The following FAF1 variants were observed in gnomAD, a reference collection of about 807,000 sequenced individuals.
FAF1 encodes Fas associated factor 1.
FAF1 carries 25 observed loss-of-function variants against 92.5 expected under a neutral mutation model. That is an observed-to-expected ratio of 0.27 (90% CI 0.20 to 0.38). FAF1 has a LOEUF of 0.38. Ranked by LOEUF, FAF1 falls within the 10% of genes least tolerant of loss-of-function variation. FAF1 has a pLI of 1.00. For missense variants in FAF1, 636 were observed against 793.3 expected (o/e 0.80, Z 2.38); for synonymous variants, 234 against 273.2 (o/e 0.86, Z 1.42).
chr1:50,635,028 T>C (rs1427641105), intron 8 of FAF1, among the ~76,000 whole-genome samples: 1 of 152,206 alleles, frequency 6.6e-6, no homozygotes, highest in Non-Finnish European at 1.5e-5. Context: ...AAATACACTT[T>C]GTAAACTACA....
chr1:50,710,556 A>C (rs1055904372), intron 6 of FAF1, among the ~76,000 whole-genome samples: 3 of 152,202 alleles, frequency 2.0e-5, no homozygotes, highest in Middle Eastern at 3.2e-3. Context: ...AATTCTTAGA[A>C]GAGGAAGATA....
chr1:50,578,386 G>A (rs930262759), intron 12 of FAF1, among the ~76,000 whole-genome samples: 1 of 152,092 alleles, frequency 6.6e-6, no homozygotes, highest in Non-Finnish European at 1.5e-5. Flanking sequence ...TCTGAAAAAC[G>A]ATTCATTCAA....
intron 6 of FAF1, among the ~76,000 whole-genome samples, chr1:50,715,777 C>T (rs974383789): frequency 6.6e-6 from 1 of 152,018 alleles, no homozygotes; most frequent in Admixed American, 6.6e-5. Context: ...TTTAAGTCAC[C>T]GGCTTAGTTT....
rs1386362453 is a variant in FAF1 at position 50,788,008 on chromosome 1, C to T, written c.359G>A (p.Cys120Tyr). 2 of 1,612,454 alleles carry T rather than the reference C, an allele frequency of 1.2e-6. No homozygotes were observed. The highest frequency in any genetic ancestry group is 8.5e-7 in the Non-Finnish European group (1 of 1,178,580). ...RNVDVVLEDT[C>Y]TVGEIKQILE... Reference sequence around the variant, plus strand: ...GGCAGGAAAAACCTTACCAACAGTACAGGTGTCTTCAAGTACCACATCAAC... The same window carrying T: ...GGCAGGAAAAACCTTACCAACAGTATAGGTGTCTTCAAGTACCACATCAAC... Residue 120 changes from cysteine (C) to tyrosine (Y), a missense_variant, in exon 4 of 19, where the codon TGT becomes TAT. Cys to Tyr is a radical substitution (Grantham distance 194). This residue lies in a region of FAF1 where 317 missense variants were observed against 342.4 expected (regional missense o/e 0.93). Coordinates refer to ENST00000396153, the MANE Select transcript of FAF1 (RefSeq NM_007051.3).
intron 18 of FAF1, among the ~76,000 whole-genome samples, chr1:50,446,992 T>TTTTTTTTTTTTTTTTTTTTTTTTTG (rs1318855123): frequency 6.6e-6 from 1 of 151,686 alleles, no homozygotes; most frequent in African/African-American, 2.4e-5. Flanking sequence ...ATAATTTTCA[T>TTTTTTTTTTTTTTTTTTTTTTTTTG]AGTAACTCCC....
chr1:50,545,422 C>T (rs765736187), intron 13 of FAF1, among the ~76,000 whole-genome samples: 68 of 151,988 alleles, frequency 4.5e-4, no homozygotes, highest in Non-Finnish European at 3.8e-4. Context: ...GTATGTGCCA[C>T]CATGCCTGGC....
intron 15 of FAF1, among the ~76,000 whole-genome samples, chr1:50,524,822 C>G (rs1248507768): frequency 1.1e-4 from 16 of 151,952 alleles, no homozygotes; most frequent in Non-Finnish European, 2.9e-5. Flanking sequence ...GTAGCATAAT[C>G]CCTCCATCTT....
At chr1:50,563,065 G>GGGTTATAT (rs1299877284) in intron 13 of FAF1, among the ~76,000 whole-genome samples, 1 of 152,064 alleles carries the variant, frequency 6.6e-6, no homozygotes, top group Non-Finnish European at 1.5e-5. Flanking sequence ...GGATGTGCAT[G>GGGTTATAT]GGTTATATGT....
intron 8 of FAF1, among the ~76,000 whole-genome samples, chr1:50,636,925 G>A (rs1399258439): frequency 5.3e-5 from 8 of 151,992 alleles, no homozygotes; most frequent in African/African-American, 1.2e-4. Context: ...TTGCCTCATC[G>A]CCATTTGTTA....
chr1:50,446,582 C>T (rs1454869027), intron 18 of FAF1, among the ~76,000 whole-genome samples: 1 of 152,158 alleles, frequency 6.6e-6, no homozygotes, highest in African/African-American at 2.4e-5. Flanking sequence ...AGGGCAGGAG[C>T]TGAGTAATAC....
chr1:50,692,506 A>T (rs1159631628), intron 7 of FAF1, among the ~76,000 whole-genome samples: 1 of 151,908 alleles, frequency 6.6e-6, no homozygotes, highest in South Asian at 2.1e-4. Context: ...CTCTACTTCT[A>T]TGAGTTTGAC....
At chr1:50,947,355 T>C (rs1645179186) in intron 1 of FAF1, among the ~76,000 whole-genome samples, 1 of 152,184 alleles carries the variant, frequency 6.6e-6, no homozygotes, top group Admixed American at 6.5e-5. Flanking sequence ...AAGGTGCACA[T>C]AACCTGAAAA....
chr1:50,481,808 T>C (rs1326581640), intron 17 of FAF1, among the ~76,000 whole-genome samples: 1 of 152,030 alleles, frequency 6.6e-6, no homozygotes, highest in Admixed American at 6.6e-5. Flanking sequence ...AAGTATATTA[T>C]AGGCAGGAGT....
chr1:50,593,322 T>C lies in FAF1; in HGVS notation c.840+2799A>G, dbSNP rs183045944. On this transcript the variant is annotated intron_variant, in intron 9 of 18. Coordinates refer to ENST00000396153, the MANE Select transcript of FAF1 (RefSeq NM_007051.3). Reference sequence around the variant, plus strand: ...GATGGGACCACCCAAATAACACATATAATAGTGAGGGTGAGAGAAGAAAAT... The same window carrying C: ...GATGGGACCACCCAAATAACACATACAATAGTGAGGGTGAGAGAAGAAAAT... Among the ~76,000 whole-genome samples, 37 of 152,204 alleles carry C rather than the reference T, an allele frequency of 2.4e-4. 1 individual carries two copies. The highest frequency in any genetic ancestry group is 8.2e-4 in the African/African-American group (34 of 41,514).
intron 15 of FAF1, among the ~76,000 whole-genome samples, chr1:50,508,596 A>G (rs2149021414): frequency 6.6e-6 from 1 of 152,318 alleles, no homozygotes; most frequent in South Asian, 2.1e-4. Context: ...GGGGATGGAG[A>G]GTGACTGCCT....
intron 8 of FAF1, among the ~76,000 whole-genome samples, chr1:50,598,543 G>A (rs1381866450): frequency 6.6e-6 from 1 of 151,712 alleles, no homozygotes. Flanking sequence ...CTTTCTGTGA[G>A]GATGGCTTAA....
Position 50,583,045 on chromosome 1 carries a change from A to G in FAF1, c.1032-346T>C, listed in dbSNP as rs1327806475. Among the ~76,000 whole-genome samples the G allele has an allele frequency of 6.6e-6, 1 of 152,060 alleles. No individual in the cohort carries two copies. Among genetic ancestry groups the G allele is most frequent in the Non-Finnish European group, 1.5e-5 (1 of 67,950 alleles). On this transcript the variant is annotated intron_variant, in intron 11 of 18. Transcript: ENST00000396153. The surrounding 1 kb of genome is among the most constrained non-coding windows in gnomAD (Gnocchi z 4.2). ...TTTCCCACTTCAGTTCATTTATTCC[A>G]GAATTCCAATAGAAGGAAAAAACTG... is the stretch of plus-strand genomic sequence containing the variant.
At chr1:50,828,356 C>A (rs1276138024) in intron 2 of FAF1, among the ~76,000 whole-genome samples, 23 of 151,860 alleles carry the variant, frequency 1.5e-4, no homozygotes, top group Admixed American at 1.4e-3. Flanking sequence ...GCAAGCTCCA[C>A]CTCCTGGGTT....
At chr1:50,707,071 C>T (rs374113874) in intron 6 of FAF1, among the ~76,000 whole-genome samples, 5 of 151,860 alleles carry the variant, frequency 3.3e-5, no homozygotes, top group South Asian at 2.1e-4. Flanking sequence ...GGTGTGGTGG[C>T]GGGCACCTGT....
Sources: gnomAD v4.1 joint callset for allele counts (sites outside exome capture counted in the v4.1 genomes callset) on GRCh38, gnomAD v4.1.1 for gene constraint, gnomAD v4.1.1 regional missense constraint, Gnocchi (gnomAD v3.1) non-coding constraint, MANE v1.5 for transcripts, NCBI Gene and HGNC (gene_info 2026-07-23, HGNC 2026-07-21) for gene names.